OLFM2: variants seen among roughly 807,000 people sequenced by gnomAD.
OLFM2 encodes the protein olfactomedin 2, also known as noelin-2.
In OLFM2, 20 loss-of-function variants were observed where a neutral mutation model predicts 43.9. That is an observed-to-expected ratio of 0.46 (90% CI 0.32 to 0.66). The LOEUF (loss-of-function observed/expected upper bound fraction) is 0.66, where lower values mean the gene tolerates loss of function less well. OLFM2 is among the 30% of genes least tolerant of loss of function. OLFM2 has a pLI of 0.04. For missense variants in OLFM2, 416 were observed against 643.6 expected (o/e 0.65, Z 3.83); for synonymous variants, 268 against 278.6 (o/e 0.96, Z 0.38).
chr19:9,877,207 G>A (rs1477637186), intron 1 of OLFM2, among the ~76,000 whole-genome samples: 1 of 144,918 alleles, frequency 6.9e-6, no homozygotes, highest in Non-Finnish European at 1.5e-5. Context: ...TCCAGCCTTG[G>A]CGACAGAGTG....
At chr19:9,885,453 A>T (rs1599480460) in intron 1 of OLFM2, among the ~76,000 whole-genome samples, 2 of 152,134 alleles carry the variant, frequency 1.3e-5, no homozygotes, top group African/African-American at 4.8e-5. Flanking sequence ...GGAGTGTGGG[A>T]GATGCTCCTG....
chr19:9,928,636 C>T (rs1315975200), intron 1 of OLFM2, among the ~76,000 whole-genome samples: 1 of 151,996 alleles, frequency 6.6e-6, no homozygotes, highest in African/African-American at 2.4e-5. Flanking sequence ...AAAACCCCGT[C>T]TCTATTAAAA....
At chr19:9,921,110 T>C (rs1435764004) in intron 1 of OLFM2, among the ~76,000 whole-genome samples, 3 of 152,144 alleles carry the variant, frequency 2.0e-5, no homozygotes, top group Non-Finnish European at 4.4e-5. Flanking sequence ...TTGTTTGTTT[T>C]GGGATTTTGT....
chr19:9,875,110 C>T (rs1472874761), intron 1 of OLFM2, among the ~76,000 whole-genome samples: 1 of 152,168 alleles, frequency 6.6e-6, no homozygotes. Context: ...GAGTTCACGG[C>T]GAAATAAAAG....
rs372824131 is a variant in OLFM2, at chr19:9,894,149, C to T, written c.64-33355G>A. Among the ~76,000 whole-genome samples the T allele has an allele frequency of 2.8e-3, 421 of 151,876 alleles. 1 individual carries two copies. The highest frequency in any genetic ancestry group is 9.7e-3 in the African/African-American group (401 of 41,422). On this transcript the variant is annotated intron_variant, in intron 1 of 5. Transcript: ENST00000264833. ...ATCTACTAAAAATACAAAAATTAGCCGGCCGTGGTGGCGCACGCCTGTAAT... is the reference window on the plus strand; with the variant it reads ...ATCTACTAAAAATACAAAAATTAGCTGGCCGTGGTGGCGCACGCCTGTAAT...
At chr19:9,878,685 G>A (rs2046513197) in intron 1 of OLFM2, among the ~76,000 whole-genome samples, 1 of 152,038 alleles carries the variant, frequency 6.6e-6, no homozygotes, top group African/African-American at 2.4e-5. Flanking sequence ...AAATACCAGT[G>A]GCTGTTTTCC....
At chr19:9,935,407 T>C (rs1281241761) in intron 1 of OLFM2, among the ~76,000 whole-genome samples, 1 of 152,078 alleles carries the variant, frequency 6.6e-6, no homozygotes, top group Non-Finnish European at 1.5e-5. Flanking sequence ...TCCCTGAGCC[T>C]GCCCAAGAGA....
chr19:9,935,180 C>T (rs1017765667), intron 1 of OLFM2, among the ~76,000 whole-genome samples: 1 of 152,106 alleles, frequency 6.6e-6, no homozygotes, highest in Non-Finnish European at 1.5e-5. Context: ...GGTTAAATGC[C>T]TTAGTCTGTG....
rs554432611 is a variant in OLFM2, at chr19:9,896,688, CCT to C, written c.64-35896_64-35895del. On this transcript the variant is annotated intron_variant, in intron 1 of 5. Coordinates refer to ENST00000264833, the MANE Select transcript of OLFM2 (RefSeq NM_058164.4). ...CTGCATCAGATCTCAGCTCTTGCTT[CCT>C]CTGACTTCCAAATTACATCAAATCT... Among the ~76,000 whole-genome samples, 8 of 152,334 alleles carry C rather than the reference CCT, an allele frequency of 5.3e-5. No homozygotes were observed. In the East Asian group the frequency reaches 1.5e-3, roughly 29 times the overall value.
rs889301803 is a variant in OLFM2 at position 9,898,835 on chromosome 19, A to T, written c.63+37469T>A. On this transcript the variant is annotated intron_variant, in intron 1 of 5. Transcript: ENST00000264833. ...CCCACTGCTCACCATTCCAGCTACC[A>T]CTGTTCTGGTTCAGATAACACCGGG... Among the ~76,000 whole-genome samples the T allele has an allele frequency of 7.2e-5, 11 of 152,122 alleles. No individual in the cohort carries two copies. The South Asian group carries it at 2.3e-3, about 32-fold the overall frequency.
Position 9,855,057 on chromosome 19 carries a change from G to A in OLFM2, c.688-194C>T, listed in dbSNP as rs372634204. On this transcript the variant is annotated intron_variant, in intron 5 of 5. Coordinates refer to ENST00000264833, the MANE Select transcript of OLFM2 (RefSeq NM_058164.4). ...CTGGTGACAGCATTAACCATGGGCA[G>A]TGAATTCAAGTGACGTCTTATCACT... 6.6e-4 allele frequency among the ~76,000 whole-genome samples: 101 copies of A among 152,234 alleles called. 2 individuals are homozygous for A. The South Asian group carries it at 0.018, about 27-fold the overall frequency.
At chr19:9,860,888 G>T in intron 1 of OLFM2, 94 bp from the exon 2 acceptor site, 1 of 1,323,570 alleles carries the variant, frequency 7.6e-7, no homozygotes, top group Non-Finnish European at 1.0e-6. Flanking sequence ...AACCACAGAT[G>T]CCCTTTGCTG....
At position 9,857,238 on chromosome 19, in the gene OLFM2, G is replaced by A. The variant is rs1388259505; in HGVS notation, c.580+25C>T. 2 of 1,604,326 alleles carry A rather than the reference G, an allele frequency of 1.2e-6. No individual in the cohort carries two copies. Among genetic ancestry groups the A allele is most frequent in the Non-Finnish European group, 1.7e-6 (2 of 1,172,566 alleles). On this transcript the variant is annotated intron_variant, in intron 4 of 5. Transcript: ENST00000264833. This position sits in a 1 kb window ranked among gnomAD's most constrained non-coding sequence, Gnocchi z 5.7. ...TGGGTGTGGCAGTCAGAGATCAGGG[G>A]TCAGGGTCAAGGGCCAAGGCATACC...
At chr19:9,862,843 T>TG in intron 1 of OLFM2, among the ~76,000 whole-genome samples, 1 of 151,850 alleles carries the variant, frequency 6.6e-6, no homozygotes, top group East Asian at 1.9e-4. Context: ...GGCATGGTGA[T>TG]GTGCGCCTAT....
intron 1 of OLFM2, among the ~76,000 whole-genome samples, chr19:9,895,880 C>T (rs915716719): frequency 3.3e-5 from 5 of 152,004 alleles, no homozygotes; most frequent in Admixed American, 2.0e-4. Context: ...AAGTGATTCA[C>T]CCGCCTTGGC....
At chr19:9,869,684 A>G (rs1183838202) in intron 1 of OLFM2, among the ~76,000 whole-genome samples, 1 of 152,148 alleles carries the variant, frequency 6.6e-6, no homozygotes, top group Non-Finnish European at 1.5e-5. Flanking sequence ...TGGCACAATC[A>G]TGGCTCACTT....
chr19:9,919,176 C>CTTTCTTTTTTTTT (rs1555728852), intron 1 of OLFM2, among the ~76,000 whole-genome samples: 4 of 149,180 alleles, frequency 2.7e-5, no homozygotes, highest in Non-Finnish European at 3.0e-5. Flanking sequence ...ATTTCTCTCT[C>CTTTCTTTTTTTTT]TTTTTTTTGA....
At chr19:9,905,944 C>T (rs2046782512) in intron 1 of OLFM2, among the ~76,000 whole-genome samples, 1 of 152,232 alleles carries the variant, frequency 6.6e-6, no homozygotes, top group Non-Finnish European at 1.5e-5. Flanking sequence ...AGACATTCCG[C>T]ACACAAGACA....
intron 1 of OLFM2, among the ~76,000 whole-genome samples, chr19:9,883,581 C>T (rs1444811550): frequency 6.6e-6 from 1 of 152,092 alleles, no homozygotes; most frequent in Non-Finnish European, 1.5e-5. Context: ...GGGAGTGGAG[C>T]CAGAGGAGGC....
Sources: allele counts gnomAD v4.1 joint callset (sites outside exome capture counted in the v4.1 genomes callset), GRCh38; gene constraint gnomAD v4.1.1; non-coding constraint Gnocchi (gnomAD v3.1); transcripts MANE v1.5; gene names NCBI Gene and HGNC (gene_info 2026-07-23, HGNC 2026-07-21).